Variants in FGD6 observed in about 807,000 individuals in gnomAD.
FGD6 encodes the protein FYVE, RhoGEF and PH domain-containing protein 6.
In FGD6, 90 loss-of-function variants were observed where a neutral mutation model predicts 149.4. The ratio of observed to expected loss-of-function variants is 0.60; its 90% CI spans 0.51 to 0.72. FGD6 has a LOEUF of 0.72. Ranked by LOEUF, FGD6 falls within the 30% of genes least tolerant of loss-of-function variation. The probability of loss-of-function intolerance (pLI) is 0.00; values close to 1 mark genes in which losing one functional copy is unlikely to be tolerated. For missense variants in FGD6, 1,437 were observed against 1,684.8 expected, an observed-to-expected ratio of 0.85 and a Z score of 2.57; for synonymous variants, 527 against 584.0, an observed-to-expected ratio of 0.90 and a Z score of 1.41.
rs565639612 is a variant in FGD6, at chr12:95,157,205, C to T, written c.2587-4212G>A. ...TACAGTTTGTGTATATTTGTCCCTT[C>T]ATGTTTTCTTACTTTACTACAGAAT... On this transcript the variant is annotated intron_variant, in intron 3 of 20. Coordinates refer to ENST00000343958, the MANE Select transcript of FGD6 (RefSeq NM_018351.4). Among the ~76,000 whole-genome samples the T allele has an allele frequency of 1.1e-4, 17 of 152,350 alleles. No homozygotes were observed. In the South Asian group the frequency reaches 3.1e-3, roughly 28 times the overall value.
chr12:95,151,382 T>G (rs1297966380), intron 5 of FGD6, among the ~76,000 whole-genome samples: 2 of 152,240 alleles, frequency 1.3e-5, no homozygotes, highest in South Asian at 4.1e-4. Flanking sequence ...GTGATTCTCC[T>G]GCCTCAGCCT....
At chr12:95,101,690 T>TC (rs1878441537) in intron 14 of FGD6, among the ~76,000 whole-genome samples, 1 of 144,264 alleles carries the variant, frequency 6.9e-6, no homozygotes, top group South Asian at 2.3e-4. Flanking sequence ...TCTTTTTTTT[T>TC]TTTTTTTTTT....
chr12:95,200,580 AG>A (rs1490242751), intron 2 of FGD6, among the ~76,000 whole-genome samples: 2 of 152,224 alleles, frequency 1.3e-5, no homozygotes, highest in African/African-American at 4.8e-5. Context: ...TAGAACCAAA[AG>A]GGGGCCTATA....
In FGD6 at chr12:95,170,681, T is replaced by C. The variant is rs1056940968; in HGVS notation, c.2586+1919A>G. 2.6e-5 allele frequency among the ~76,000 whole-genome samples: 4 copies of C among 152,162 alleles called. No individual in the cohort carries two copies. In the South Asian group the frequency reaches 6.2e-4, roughly 24 times the overall value. ...GTTGGCTACATAGAAGCTTAGAACC[T>C]GAGTACTGCTTATCTCTAGTAAATA... On this transcript the variant is annotated intron_variant, in intron 3 of 20. Coordinates refer to ENST00000343958, the MANE Select transcript of FGD6 (RefSeq NM_018351.4).
rs377604228 is a variant in FGD6 at position 95,093,985 on chromosome 12, C to A, written c.3600+607G>T. On this transcript the variant is annotated intron_variant, in intron 15 of 20. Transcript: ENST00000343958. ...GACCTGCTTGGCCAACATGGTGAAA[C>A]CCCATCTGTACTAAAAATACAAAAT... Among the ~76,000 whole-genome samples, 138 of 151,152 alleles carry A rather than the reference C, an allele frequency of 9.1e-4. 1 individual carries two copies. The highest frequency in any genetic ancestry group is 3.0e-3 in the African/African-American group (124 of 41,164).
chr12:95,153,925 G>A (rs1159526467), intron 3 of FGD6, among the ~76,000 whole-genome samples: 1 of 127,826 alleles, frequency 7.8e-6, no homozygotes, highest in Non-Finnish European at 1.7e-5. Context: ...GTGTGTGTGT[G>A]TGTGTGTGTG....
intron 8 of FGD6, among the ~76,000 whole-genome samples, chr12:95,115,433 G>A (rs1176969116): frequency 7.3e-6 from 1 of 137,006 alleles, no homozygotes; most frequent in African/African-American, 2.7e-5. Context: ...GCAGGGTCTC[G>A]CTTTATTGCC....
At chr12:95,115,033 C>A (rs529186500) in intron 8 of FGD6, among the ~76,000 whole-genome samples, 2 of 152,334 alleles carry the variant, frequency 1.3e-5, no homozygotes, top group Admixed American at 6.5e-5. Flanking sequence ...AATGCCCCTT[C>A]TCTTACAAAA....
rs751436262 is a variant in FGD6, at chr12:95,160,892, C to T, written c.2587-7899G>A. 4.0e-5 allele frequency among the ~76,000 whole-genome samples: 6 copies of T among 151,652 alleles called. No homozygotes were observed. The South Asian group carries it at 6.3e-4, about 16-fold the overall frequency. ...AAAAACAAAACAAACAAACAAAGAA[C>T]CCACTTGTGGCCAGGCATGGTGGCT... On this transcript the variant is annotated intron_variant, in intron 3 of 20. Coordinates refer to ENST00000343958, the MANE Select transcript of FGD6 (RefSeq NM_018351.4).
chr12:95,171,977 ATTTC>A (rs1397664327), intron 3 of FGD6, among the ~76,000 whole-genome samples: 5 of 141,404 alleles, frequency 3.5e-5, no homozygotes, highest in Non-Finnish European at 7.5e-5. Flanking sequence ...AATGCATATA[ATTTC>A]TTTATTTCAA....
At chr12:95,082,093 G>T (rs534632884) in intron 20 of FGD6, among the ~76,000 whole-genome samples, 20 of 152,214 alleles carry the variant, frequency 1.3e-4, no homozygotes, top group Non-Finnish European at 1.6e-4. Flanking sequence ...GCATAAGGAA[G>T]GGACCATTTC....
intron 8 of FGD6, among the ~76,000 whole-genome samples, chr12:95,129,287 C>CCATGCATG (rs1565903424): frequency 6.6e-5 from 7 of 106,274 alleles, no homozygotes; most frequent in Admixed American, 5.3e-4. Context: ...ATCTATGCAT[C>CCATGCATG]CATGCATCCA....
intron 20 of FGD6, among the ~76,000 whole-genome samples, chr12:95,084,131 C>A (rs150092330): frequency 6.6e-6 from 1 of 152,280 alleles, no homozygotes; most frequent in African/African-American, 2.4e-5. Context: ...CGCTGGATTG[C>A]CAAAGTCCTG....
chr12:95,187,409 C>T (rs981748019), intron 2 of FGD6, among the ~76,000 whole-genome samples: 3 of 150,814 alleles, frequency 2.0e-5, no homozygotes, highest in African/African-American at 7.3e-5. Context: ...GAGGCCGAGG[C>T]GGGCAGATCA....
chr12:95,134,854 A>G, intron 7 of FGD6, 28 bp from the exon 8 acceptor site: 1 of 1,581,486 alleles, frequency 6.3e-7, no homozygotes, highest in Non-Finnish European at 8.6e-7. Context: ...CTAAATTAAC[A>G]CAGTGTTTTC....
intron 15 of FGD6, among the ~76,000 whole-genome samples, chr12:95,093,892 G>C (rs1331686771): frequency 6.6e-6 from 1 of 151,520 alleles, no homozygotes; most frequent in Non-Finnish European, 1.5e-5. Flanking sequence ...AGGCACAGTG[G>C]CTCATGCCTG....
rs759014926 is a variant in FGD6 at position 95,211,035 on chromosome 12, T to C, written c.249A>G (p.Lys83=). 2 of 1,614,180 alleles carry C rather than the reference T, an allele frequency of 1.2e-6. No individual in the cohort carries two copies. Among genetic ancestry groups the C allele is most frequent in the Non-Finnish European group, 1.7e-6 (2 of 1,180,028 alleles). The part of the protein sequence containing the change: ...RKIMLNLEGH[K]QELAESTDNF... ...TGTCAGTGCTTTCAGCTAATTCCTG[T>C]TTATGCCCTTCCAGGTTCAACATGA... is the stretch of plus-strand genomic sequence containing the variant. The change falls in exon 2 of 21, where the codon AAA becomes AAG. Residue 83 remains lysine (K), a synonymous_variant. Transcript: ENST00000343958.
At chr12:95,126,441 A>C in intron 8 of FGD6, 4 of 1,039,294 alleles carry the variant, frequency 3.8e-6, no homozygotes, top group Middle Eastern at 2.2e-4. Flanking sequence ...ACAAACAAAA[A>C]ACAAAGGCCA....
At chr12:95,184,865 G>A (rs539802514) in intron 2 of FGD6, among the ~76,000 whole-genome samples, 2 of 149,196 alleles carry the variant, frequency 1.3e-5, no homozygotes, top group African/African-American at 5.0e-5. Flanking sequence ...TTACAGGCAG[G>A]AGCCACCACA....
Sources: allele counts gnomAD v4.1 joint callset (sites outside exome capture counted in the v4.1 genomes callset), GRCh38; gene constraint gnomAD v4.1.1; transcripts MANE v1.5; gene names NCBI Gene and HGNC (gene_info 2026-07-23, HGNC 2026-07-21).